Variants in CT45A10 observed in about 807,000 individuals in gnomAD.
CT45A10 encodes cancer/testis antigen family 45 member A10.
CT45A10 carries 19 observed loss-of-function variants against 8.3 expected under a neutral mutation model. The observed-to-expected ratio is 2.30, with a 90% CI of 1.61 to 3.38. The LOEUF is 3.38. Among genes scored for constraint, CT45A10 ranks in the 30% most tolerant of loss-of-function variants. CT45A10 has a pLI of 0.00. For missense variants in CT45A10, 149 were observed against 85.9 expected (o/e 1.73, Z -2.90); for synonymous variants, 28 against 26.5 (o/e 1.06, Z -0.17).
Position 135,883,233 on chromosome X carries a change from G to T in CT45A10, c.193C>A (p.Pro65Thr). The change falls in exon 3 of 5, where the codon CCA becomes ACA. Residue 65 changes from proline (P) to threonine (T), a missense_variant. Transcript: ENST00000682849. Reference protein sequence around the residue: ...EKKLMTGHAIPPSQLDSQIDD... With the variant: ...EKKLMTGHAITPSQLDSQIDD... Reference sequence around the variant, plus strand: ...ATCTGAGAATCCAATTGGCTGGGTGGAATAGCATGTCCTGTCATAAGCTCT... The same window carrying T: ...ATCTGAGAATCCAATTGGCTGGGTGTAATAGCATGTCCTGTCATAAGCTCT... 1 of 1,197,053 alleles carries T rather than the reference G, an allele frequency of 8.4e-7. No individual in the cohort carries two copies. Among genetic ancestry groups the T allele is most frequent in the African/African-American group, 1.8e-5 (1 of 56,815 alleles).
chrX:135,889,564 AC>A (rs1314369911), intron 1 of CT45A10, among the ~76,000 whole-genome samples: 3 of 111,045 alleles, frequency 2.7e-5, no homozygotes, highest in African/African-American at 9.8e-5. Flanking sequence ...TTTAAAGTCA[AC>A]CCCGACCGGG....
intron 1 of CT45A10, among the ~76,000 whole-genome samples, chrX:135,892,766 C>T (rs781934587): frequency 2.7e-5 from 3 of 112,270 alleles, no homozygotes; most frequent in African/African-American, 6.5e-5. Flanking sequence ...AAAGCCAACA[C>T]ATCCTAGCTG....
Position 135,883,129 on chromosome X carries a change from G to A in CT45A10, c.297C>T (p.Thr99=). 4 of 1,198,904 alleles carry A rather than the reference G, an allele frequency of 3.3e-6. No homozygotes were observed. The South Asian group carries it at 7.1e-5, about 21-fold the overall frequency. The stretch of plus-strand genomic sequence containing the variant: ...CTAGGTCATCTCCAGAGAAATTGCT[G>A]GTAACGTTTCCTCCCACAGGTGCAT... ...GSNAPVGGNV[T]SNFSGDDLEC... Residue 99 remains threonine (T), a synonymous_variant, in exon 3 of 5, where the codon ACC becomes ACT. Transcript: ENST00000682849.
intron 1 of CT45A10, among the ~76,000 whole-genome samples, chrX:135,892,105 G>A (rs1487183923): frequency 9.1e-6 from 1 of 110,150 alleles, no homozygotes; most frequent in East Asian, 2.8e-4. Context: ...CAGATCACTT[G>A]AGTCCAGGAG....
chrX:135,892,945 G>C (rs1375671072), intron 1 of CT45A10, among the ~76,000 whole-genome samples: 1 of 110,511 alleles, frequency 9.0e-6, no homozygotes, highest in East Asian at 2.9e-4. Flanking sequence ...CATAGACAGA[G>C]CTCCCAAGGC....
intron 3 of CT45A10, 68 bp downstream of exon 3, chrX:135,882,940 T>C: frequency 8.8e-7 from 1 of 1,139,493 alleles, no homozygotes; most frequent in Non-Finnish European, 1.2e-6. Flanking sequence ...GTAACATGGA[T>C]ATCTTCTGAA....
chrX:135,891,717 G>T (rs2088500443), intron 1 of CT45A10, among the ~76,000 whole-genome samples: 1 of 110,422 alleles, frequency 9.1e-6, no homozygotes. Context: ...ATAATAAAGA[G>T]CTCTAGCCAT....
chrX:135,890,780 A>T (rs2088493405), intron 1 of CT45A10, among the ~76,000 whole-genome samples: 1 of 112,501 alleles, frequency 8.9e-6, no homozygotes, highest in Non-Finnish European at 1.9e-5. Context: ...CTGAAAATTG[A>T]CAAACAGATA....
At position 135,883,196 on chromosome X, in the gene CT45A10, G is replaced by A. The variant is rs1454801992; in HGVS notation, c.230C>T (p.Thr77Ile). ...SQLDSQIDDF[T>I]GFSKDGMMQK... ...CATCATCCCATCTTTGCTGAAACCA[G>A]TGAAGTCATCAATCTGAGAATCCAA... Residue 77 changes from threonine (T) to isoleucine (I), a missense_variant, in exon 3 of 5, where the codon ACT (threonine) becomes ATT (isoleucine). Physicochemically the swap from Thr to Ile is moderately conservative, Grantham distance 89. Transcript: ENST00000682849. The A allele has an allele frequency of 2.1e-5, 25 of 1,198,228 alleles. No homozygotes were observed. Among genetic ancestry groups the A allele is most frequent in the Non-Finnish European group, 2.7e-5 (24 of 885,932 alleles).
intron 1 of CT45A10, among the ~76,000 whole-genome samples, chrX:135,890,343 C>T (rs1201684217): frequency 2.7e-5 from 3 of 112,496 alleles, no homozygotes; most frequent in African/African-American, 6.5e-5. Flanking sequence ...ATCCTGAGAG[C>T]GCTCCGGGGT....
At chrX:135,889,977 C>G (rs781871002) in intron 1 of CT45A10, among the ~76,000 whole-genome samples, 1 of 111,928 alleles carries the variant, frequency 8.9e-6, no homozygotes, top group Non-Finnish European at 1.9e-5. Context: ...TGAAAAAAAG[C>G]ATTGTAAAAC....
intron 2 of CT45A10, among the ~76,000 whole-genome samples, chrX:135,883,639 G>T (rs1292891549): frequency 1.0e-5 from 1 of 96,661 alleles, no homozygotes; most frequent in African/African-American, 3.8e-5. Context: ...TGCTTTACAA[G>T]GTGAAAGCAG....
chrX:135,892,734 C>T (rs895776702), intron 1 of CT45A10, among the ~76,000 whole-genome samples: 1 of 112,163 alleles, frequency 8.9e-6, no homozygotes, highest in Non-Finnish European at 1.9e-5. Context: ...GCGTCCCCAT[C>T]AGGGATAAGC....
At chrX:135,893,130 C>T (rs1282770800) in intron 1 of CT45A10, among the ~76,000 whole-genome samples, 1 of 110,536 alleles carries the variant, frequency 9.0e-6, no homozygotes, top group Non-Finnish European at 1.9e-5. Context: ...ACAACATAGC[C>T]GAGATGGGGT....
chrX:135,888,652 A>T, intron 1 of CT45A10, among the ~76,000 whole-genome samples: 1 of 106,193 alleles, frequency 9.4e-6, no homozygotes, highest in East Asian at 3.2e-4. Context: ...GTGCCCAAGG[A>T]AAACGCTCCC....
chrX:135,882,930 G>T (rs1178950358), intron 3 of CT45A10, 78 bp downstream of exon 3: 5 of 1,116,554 alleles, frequency 4.5e-6, no homozygotes, highest in Non-Finnish European at 6.0e-6. Context: ...GCCTCAAGAG[G>T]TAACATGGAT....
At chrX:135,890,621 T>G (rs2088491656) in intron 1 of CT45A10, among the ~76,000 whole-genome samples, 1 of 112,162 alleles carries the variant, frequency 8.9e-6, no homozygotes, top group Non-Finnish European at 1.9e-5. Context: ...TTGACTTGAC[T>G]TGAATTGCTT....
At chrX:135,887,760 A>C (rs2088445994) in intron 1 of CT45A10, among the ~76,000 whole-genome samples, 1 of 106,786 alleles carries the variant, frequency 9.4e-6, no homozygotes, top group Non-Finnish European at 2.0e-5. Flanking sequence ...AAATAAAAAC[A>C]ATTTCTTAAA....
intron 1 of CT45A10, among the ~76,000 whole-genome samples, chrX:135,892,965 C>A (rs927068264): frequency 3.6e-5 from 4 of 110,403 alleles, no homozygotes; most frequent in Non-Finnish European, 5.7e-5. Context: ...CAGAGTCCCC[C>A]CTCAGGGCTG....
Sources: gnomAD v4.1 joint callset for allele counts (sites outside exome capture counted in the v4.1 genomes callset) on GRCh38, gnomAD v4.1.1 for gene constraint, MANE v1.5 for transcripts, NCBI Gene and HGNC (gene_info 2026-07-23, HGNC 2026-07-21) for gene names.